AHCYL1: variants seen among roughly 807,000 people sequenced by gnomAD.
AHCYL1 encodes the protein adenosylhomocysteinase like 1, also known as S-adenosylhomocysteine hydrolase-like protein 1.
A neutral mutation model predicts 79.3 loss-of-function variants in AHCYL1; 20 were observed. The ratio of observed to expected loss-of-function variants is 0.25; its 90% CI spans 0.18 to 0.37. AHCYL1 has a LOEUF of 0.37. Among genes scored for constraint, AHCYL1 ranks in the 10% least tolerant of loss-of-function variants. The probability of loss-of-function intolerance (pLI) is 1.00; values close to 1 mark genes in which losing one functional copy is unlikely to be tolerated. For synonymous variants in AHCYL1, 223 were observed against 242.2 expected (o/e 0.92, Z 0.74); for missense variants, 330 against 673.6 (o/e 0.49, Z 5.65).
At chr1:110,015,125 T>A (rs769630790) in intron 6 of AHCYL1, among the ~76,000 whole-genome samples, 1 of 152,208 alleles carries the variant, frequency 6.6e-6, no homozygotes, top group Non-Finnish European at 1.5e-5. Flanking sequence ...CTTTCCTTCC[T>A]GCCCCAGTTC....
intron 1 of AHCYL1, 64 bp downstream of exon 1, chr1:109,985,236 G>T: frequency 6.4e-7 from 1 of 1,556,580 alleles, no homozygotes; most frequent in Non-Finnish European, 8.7e-7. Flanking sequence ...ACGCGAGCAA[G>T]CCCGGGCTCT....
At chr1:110,017,708 C>A in intron 10 of AHCYL1, 125 bp downstream of exon 10, 1 of 1,097,610 alleles carries the variant, frequency 9.1e-7, no homozygotes, top group Non-Finnish European at 1.3e-6. Flanking sequence ...TAGGACTGCT[C>A]TGTTCTTCTC....
At position 110,017,961 on chromosome 1, in the gene AHCYL1, G is replaced by A. The variant is rs751246659; in HGVS notation, c.1068G>A (p.Arg356=). The A allele has an allele frequency of 2.5e-6, 4 of 1,614,146 alleles. No homozygotes were observed. The highest frequency in any genetic ancestry group is 1.7e-5 in the Admixed American group (1 of 60,016). The change falls in exon 11 of 17, where the codon AGG becomes AGA. Residue 356 remains arginine, a synonymous_variant. Transcript: ENST00000369799. ...TTTCTTCCAGCATGGATGGGTTCAGGGTGGTAAAGCTAAATGAAGTCATCC... is the reference window on the plus strand; with the variant it reads ...TTTCTTCCAGCATGGATGGGTTCAGAGTGGTAAAGCTAAATGAAGTCATCC... The part of the protein sequence containing the change: ...CALQACMDGF[R]VVKLNEVIRQ...
At chr1:109,987,805 C>G (rs762240910) in intron 1 of AHCYL1, among the ~76,000 whole-genome samples, 15 of 152,116 alleles carry the variant, frequency 9.9e-5, no homozygotes, top group Non-Finnish European at 1.6e-4. Context: ...GTCTGGGTGT[C>G]GAGAAGTCAA....
chr1:109,999,120 T>C (rs1351494256), intron 1 of AHCYL1, among the ~76,000 whole-genome samples: 4 of 152,130 alleles, frequency 2.6e-5, no homozygotes, highest in Non-Finnish European at 4.4e-5. Context: ...CCTGCCACTT[T>C]ACTTTAGTCT....
chr1:110,018,926 A>T (rs1212165932), intron 13 of AHCYL1, 125 bp from the exon 14 acceptor site: 1 of 918,910 alleles, frequency 1.1e-6, no homozygotes, highest in Non-Finnish European at 1.8e-6. Context: ...CTGATCTGGA[A>T]CTGTAATTCT....
chr1:110,013,857 A>G (rs1342766436), intron 5 of AHCYL1, among the ~76,000 whole-genome samples: 5 of 146,252 alleles, frequency 3.4e-5, no homozygotes, highest in African/African-American at 1.0e-4. Context: ...CTGGAGTGCA[A>G]TGGCGCAGTC....
intron 1 of AHCYL1, among the ~76,000 whole-genome samples, chr1:110,008,623 T>G (rs2101722862): frequency 6.6e-6 from 1 of 152,216 alleles, no homozygotes; most frequent in East Asian, 1.9e-4. Context: ...CAAGGGAATA[T>G]TCTGAAACAA....
chr1:110,019,165 C>G, intron 14 of AHCYL1, 46 bp downstream of exon 14: 1 of 1,565,012 alleles, frequency 6.4e-7, no homozygotes, highest in East Asian at 2.2e-5. Flanking sequence ...ATTTGTGGAA[C>G]TGGGCGTAGA....
chr1:110,007,575 G>A (rs1216225892), intron 1 of AHCYL1, among the ~76,000 whole-genome samples: 1 of 152,170 alleles, frequency 6.6e-6, no homozygotes. Flanking sequence ...TGAAAGAGGA[G>A]GAGAAGCTTT....
chr1:109,996,589 C>T (rs1285945480), intron 1 of AHCYL1, among the ~76,000 whole-genome samples: 1 of 152,188 alleles, frequency 6.6e-6, no homozygotes, highest in African/African-American at 2.4e-5. Flanking sequence ...TCATGTGTCA[C>T]TTAACAAGGG....
rs117508110 is a variant in AHCYL1, at chr1:109,989,942, C to A, written c.120+4770C>A. Among the ~76,000 whole-genome samples, 11 of 152,344 alleles carry A rather than the reference C, an allele frequency of 7.2e-5. No individual in the cohort carries two copies. The East Asian group carries it at 2.1e-3, about 29-fold the overall frequency. ...ATCCCCAGTTGAAGACAAATTCTTA[C>A]CACAAATTTTCCTTTTGATTATTGT... On this transcript the variant is annotated intron_variant, in intron 1 of 16. Transcript: ENST00000369799.
intron 1 of AHCYL1, chr1:110,004,099 A>T (rs1650491668): frequency 1.0e-6 from 1 of 985,328 alleles, no homozygotes; most frequent in South Asian, 4.7e-5. Flanking sequence ...TTGACAGAAG[A>T]TCTAGTTGAG....
chr1:110,016,880 T>C (rs2101739415), intron 9 of AHCYL1, 150 bp downstream of exon 9: 1 of 861,640 alleles, frequency 1.2e-6, no homozygotes, highest in East Asian at 2.5e-5. Flanking sequence ...AAGCCTTTTA[T>C]TCAGATTTAT....
chr1:109,991,839 C>T (rs1467511147), intron 1 of AHCYL1, among the ~76,000 whole-genome samples: 1 of 152,124 alleles, frequency 6.6e-6, no homozygotes, highest in African/African-American at 2.4e-5. Flanking sequence ...TGAATGAAGC[C>T]GTTCATACTG....
intron 5 of AHCYL1, among the ~76,000 whole-genome samples, chr1:110,014,154 T>G (rs1021542474): frequency 3.9e-5 from 6 of 152,154 alleles, no homozygotes; most frequent in Admixed American, 3.9e-4. Context: ...TACTTTTGGG[T>G]TTTTTTGTTT....
chr1:110,014,931 A>G, intron 6 of AHCYL1, 74 bp downstream of exon 6: 1 of 1,417,646 alleles, frequency 7.1e-7, no homozygotes, highest in South Asian at 1.2e-5. Flanking sequence ...ATGGTTCCCT[A>G]AATATGTTTT....
rs760389357 is a variant in AHCYL1, at chr1:109,985,045, G to A, written c.-8G>A. 2.5e-5 allele frequency: 39 copies of A among 1,568,438 alleles called. No homozygotes were observed. In the Admixed American group the frequency reaches 6.9e-4, roughly 28 times the overall value. ...GGCGGGTCAGCCGCTGGCCGGGCCGGCCGGGGAATGTCGATGCCTGACGCG... is the reference window on the plus strand; with the variant it reads ...GGCGGGTCAGCCGCTGGCCGGGCCGACCGGGGAATGTCGATGCCTGACGCG... On this transcript the variant is annotated 5_prime_UTR_variant, in exon 1 of 17. Transcript: ENST00000369799.
chr1:110,018,241 A>C (rs1375620887), intron 11 of AHCYL1, 132 bp from the exon 12 acceptor site: 6 of 940,494 alleles, frequency 6.4e-6, no homozygotes, highest in Non-Finnish European at 9.8e-6. Flanking sequence ...GCGGTTATGC[A>C]TGTCTTCTCT....
Sources: gnomAD v4.1 joint callset for allele counts (sites outside exome capture counted in the v4.1 genomes callset) on GRCh38, gnomAD v4.1.1 for gene constraint, MANE v1.5 for transcripts, NCBI Gene and HGNC (gene_info 2026-07-23, HGNC 2026-07-21) for gene names.